FAM234A: variants seen among roughly 807,000 people sequenced by gnomAD.
The protein encoded by FAM234A is family with sequence similarity 234 member A.
FAM234A carries 42 observed loss-of-function variants against 49.1 expected under a neutral mutation model. The observed-to-expected ratio is 0.86, with a 90% confidence interval of 0.67 to 1.11. The LOEUF (loss-of-function observed/expected upper bound fraction) is 1.11. FAM234A is among the 50% of genes least tolerant of loss of function. FAM234A has a pLI of 0.00. For missense variants in FAM234A, 815 were observed against 745.2 expected, an observed-to-expected ratio of 1.09 and a Z score of -1.09; for synonymous variants, 369 against 316.2, an observed-to-expected ratio of 1.17 and a Z score of -1.77.
In FAM234A at chr16:259,568, C is replaced by A; in HGVS notation, c.354C>A (p.Ser118Arg). ...TTCTTTATAAAAACACCAACAGCAG[C>A]AACAATTTCAGCCGATCCTGTGTGG... ...VLFLYKNTNS[S>R]NNFSRSCVDE... The change falls in exon 4 of 13, where the codon AGC becomes AGA. Residue 118 changes from serine (S) to arginine (R), a missense_variant. Physicochemically the swap from Ser to Arg is moderately radical, Grantham distance 110. Transcript: ENST00000399932. 1 of 1,610,484 alleles carries A rather than the reference C, an allele frequency of 6.2e-7. No homozygotes were observed. The highest frequency in any genetic ancestry group is 8.5e-7 in the Non-Finnish European group (1 of 1,176,648).
intron 2 of FAM234A, among the ~76,000 whole-genome samples, chr16:252,257 C>T (rs1292917215): frequency 1.3e-5 from 2 of 148,336 alleles, no homozygotes; most frequent in Non-Finnish European, 1.5e-5. Flanking sequence ...TCTTGGCTCA[C>T]TACAACCTCT....
Position 263,279 on chromosome 16 carries a change from A to T in FAM234A, c.989A>T (p.Tyr330Phe). Residue 330 changes from tyrosine (Y) to phenylalanine (F), a missense_variant, in exon 9 of 13, where the codon TAC (tyrosine) becomes TTC (phenylalanine). By Grantham distance (22) the Tyr-to-Phe change is conservative. Coordinates refer to ENST00000399932, the MANE Select transcript of FAM234A (RefSeq NM_032039.4). ...CTGTCTAGCTCTGGAGCAGTGCGCT[A>T]CCTGATGCATGTCCCAGGGAACGCC... The part of the protein sequence containing the change: ...MLSHSSGAVR[Y>F]LMHVPGNAGA... 2 of 1,612,880 alleles carry T rather than the reference A, an allele frequency of 1.2e-6. No individual in the cohort carries two copies. The highest frequency in any genetic ancestry group is 2.2e-5 in the South Asian group (2 of 91,086).
chr16:254,148 C>T, intron 2 of FAM234A: 1 of 485,338 alleles, frequency 2.1e-6, no homozygotes, highest in South Asian at 2.3e-5. Context: ...TAGTTCCTGC[C>T]TGCTGGCTCT....
At chr16:239,779 A>C (rs2050548777) in intron 1 of FAM234A, among the ~76,000 whole-genome samples, 1 of 152,152 alleles carries the variant, frequency 6.6e-6, no homozygotes, top group African/African-American at 2.4e-5. Context: ...TATTTTTAGG[A>C]GGCATTGTGA....
chr16:261,267 G>A (rs527554552), intron 5 of FAM234A, 117 bp from the exon 6 acceptor site: 56 of 1,205,008 alleles, frequency 4.6e-5, no homozygotes, highest in East Asian at 4.5e-4. Flanking sequence ...GCAGTGAGCC[G>A]TGGGCTCACG....
rs1417932241 is a variant in FAM234A, at chr16:259,558, CCAA to C, written c.347_349del (p.Asn116del). 3 of 1,612,180 alleles carry C rather than the reference CCAA, an allele frequency of 1.9e-6. No homozygotes were observed. The highest frequency in any genetic ancestry group is 2.5e-6 in the Non-Finnish European group (3 of 1,178,224). On this transcript the variant is annotated inframe_deletion, in exon 4 of 13. Transcript: ENST00000399932. Reference sequence around the variant, plus strand: ...GATGTTCTTTTTCTTTATAAAAACACCAACAGCAGCAACAATTTCAGCCGATCC... The same window carrying C: ...GATGTTCTTTTTCTTTATAAAAACACCAGCAGCAACAATTTCAGCCGATCC...
rs1278596299 is a variant in FAM234A at position 265,896 on chromosome 16, G to A, written c.*874G>A. 1.0e-6 allele frequency: 1 copy of A among 986,424 alleles called. No individual in the cohort carries two copies. Among genetic ancestry groups the A allele is most frequent in the East Asian group, 1.1e-4 (1 of 8,822 alleles). 61.1% of individuals were successfully genotyped at this position (986,424 alleles called of 1,614,324 possible). A position where few individuals can be genotyped will look rare whatever the true frequency, so the allele number is the denominator to read the frequency against. Reference sequence around the variant, plus strand: ...GCAAGCGCCTGCCTCTCCCCTTCCGGTGCTCACACGCCCACGCCGTGCCAC... The same window carrying A: ...GCAAGCGCCTGCCTCTCCCCTTCCGATGCTCACACGCCCACGCCGTGCCAC... On this transcript the variant is annotated 3_prime_UTR_variant, in exon 13 of 13. Transcript: ENST00000399932.
At chr16:257,777 C>T (rs949882606) in intron 3 of FAM234A, among the ~76,000 whole-genome samples, 4 of 152,028 alleles carry the variant, frequency 2.6e-5, no homozygotes, top group Admixed American at 6.6e-5. Context: ...CTTGAGGCCT[C>T]GAGTTCAAGG....
intron 6 of FAM234A, among the ~76,000 whole-genome samples, chr16:261,832 C>T (rs1053756793): frequency 1.1e-4 from 16 of 152,200 alleles, no homozygotes; most frequent in African/African-American, 3.9e-4. Context: ...GCCTCATGTG[C>T]CCCGTGCAGT....
intron 1 of FAM234A, among the ~76,000 whole-genome samples, chr16:236,005 T>C (rs1382244641): frequency 6.6e-6 from 1 of 151,566 alleles, no homozygotes; most frequent in Non-Finnish European, 1.5e-5. Context: ...ATAAAAAAAT[T>C]AGCTGCGTAT....
At chr16:256,242 C>G (rs1294592976) in intron 3 of FAM234A, among the ~76,000 whole-genome samples, 1 of 152,182 alleles carries the variant, frequency 6.6e-6, no homozygotes, top group Non-Finnish European at 1.5e-5. Flanking sequence ...TTGCTGAACC[C>G]TATGGTAAGT....
downstream of FAM234A, among the ~76,000 whole-genome samples, chr16:267,654 CACAT>C (rs1296312349): frequency 3.7e-4 from 34 of 92,900 alleles, no homozygotes; most frequent in African/African-American, 3.2e-3. Context: ...CACGTGCACA[CACAT>C]ATGCATGCCT....
At chr16:258,013 A>C (rs1361524341) in intron 3 of FAM234A, among the ~76,000 whole-genome samples, 1 of 151,880 alleles carries the variant, frequency 6.6e-6, no homozygotes, top group Non-Finnish European at 1.5e-5. Flanking sequence ...GCCCGCCACC[A>C]CGCCCGGCTA....
At chr16:269,714 GA>G (rs2141399769), downstream of FAM234A, 2 of 738,698 alleles carry the variant, frequency 2.7e-6, no homozygotes, top group East Asian at 5.4e-5. Flanking sequence ...CAGGGTGCTG[GA>G]GGCAGCCGCC....
At chr16:269,536 G>T, downstream of FAM234A, 1 of 1,613,404 alleles carries the variant, frequency 6.2e-7, no homozygotes, top group South Asian at 1.1e-5. Context: ...CCCAGCCTCT[G>T]CCAGGAGGGC....
chr16:238,734 C>G (rs906382149), intron 1 of FAM234A, among the ~76,000 whole-genome samples: 5 of 136,694 alleles, frequency 3.7e-5, no homozygotes, highest in African/African-American at 1.4e-4. Context: ...CCACTGCACT[C>G]CAGCCTGGGC....
downstream of FAM234A, chr16:269,571 C>A: frequency 6.2e-7 from 1 of 1,613,290 alleles, no homozygotes; most frequent in South Asian, 1.1e-5. Flanking sequence ...ACTTCAGGAA[C>A]CTTGGGTAGG....
chr16:242,981 C>CTTTT (rs202179166), intron 1 of FAM234A, among the ~76,000 whole-genome samples: 7 of 139,396 alleles, frequency 5.0e-5, no homozygotes, highest in African/African-American at 1.8e-4. Flanking sequence ...TGAGCCCTCA[C>CTTTT]TTTTTTTTTT....
Position 265,965 on chromosome 16 carries a change from A to G in FAM234A, c.*943A>G. 1.0e-6 allele frequency: 1 copy of G among 985,936 alleles called. No individual in the cohort carries two copies. The highest frequency in any genetic ancestry group is 1.2e-6 in the Non-Finnish European group (1 of 830,026). 61.1% of individuals were successfully genotyped at this position (985,936 alleles called of 1,614,324 possible). ...CTGTGCCTTGCTGCTCCTGAGGCCC[A>G]AGGGCAGCCATGGTGCTCTGTACTG... is the stretch of plus-strand genomic sequence containing the variant. On this transcript the variant is annotated 3_prime_UTR_variant, in exon 13 of 13. Transcript: ENST00000399932.
Sources: allele counts gnomAD v4.1 joint callset (sites outside exome capture counted in the v4.1 genomes callset), GRCh38; gene constraint gnomAD v4.1.1; transcripts MANE v1.5; gene names NCBI Gene and HGNC (gene_info 2026-07-23, HGNC 2026-07-21).